PDSS2: variants seen among roughly 807,000 people sequenced by gnomAD.
PDSS2 encodes the protein decaprenyl diphosphate synthase subunit 2.
PDSS2 carries 31 observed loss-of-function variants against 44.5 expected under a neutral mutation model. The observed-to-expected ratio is 0.70, with a 90% CI of 0.52 to 0.94. The LOEUF is 0.94. PDSS2 is among the 40% of genes least tolerant of loss of function. The pLI is 0.00. For synonymous variants in PDSS2, 157 were observed against 180.3 expected, an observed-to-expected ratio of 0.87 and a Z score of 1.03; for missense variants, 452 against 482.2, an observed-to-expected ratio of 0.94 and a Z score of 0.59.
rs551414085 is a variant in PDSS2 at position 107,298,850 on chromosome 6, T to C, written c.432-24623A>G. Among the ~76,000 whole-genome samples the C allele has an allele frequency of 6.6e-5, 10 of 152,092 alleles. No homozygotes were observed. The East Asian group carries it at 1.7e-3, about 27-fold the overall frequency. ...GCAAATGAAGTTAACAAGAAACATA[T>C]ACCAAATAGGACCAGGCATGGTGGC... On this transcript the variant is annotated intron_variant, in intron 2 of 7. Transcript: ENST00000369037.
At chr6:107,266,069 A>G (rs925820745) in intron 3 of PDSS2, among the ~76,000 whole-genome samples, 1 of 152,230 alleles carries the variant, frequency 6.6e-6, no homozygotes, top group Non-Finnish European at 1.5e-5. Context: ...AGCTTCTGGG[A>G]GCTCATTTGA....
chr6:107,248,947 AT>A (rs1774721636), intron 3 of PDSS2, among the ~76,000 whole-genome samples: 1 of 152,066 alleles, frequency 6.6e-6, no homozygotes, highest in African/African-American at 2.4e-5. Context: ...AACACTTTCC[AT>A]TTTTCAAAAC....
intron 1 of PDSS2, among the ~76,000 whole-genome samples, chr6:107,356,215 A>T (rs572350354): frequency 1.3e-5 from 2 of 152,100 alleles, no homozygotes; most frequent in South Asian, 4.2e-4. Flanking sequence ...ATTTACTTTC[A>T]CTCCTTTTGG....
intron 1 of PDSS2, among the ~76,000 whole-genome samples, chr6:107,450,266 G>T (rs1781824260): frequency 6.6e-6 from 1 of 152,156 alleles, no homozygotes; most frequent in South Asian, 2.1e-4. Flanking sequence ...GTTGTTTCCA[G>T]TTGGGAAATA....
At chr6:107,347,548 C>G (rs1386588473) in intron 1 of PDSS2, among the ~76,000 whole-genome samples, 1 of 152,064 alleles carries the variant, frequency 6.6e-6, no homozygotes, top group Non-Finnish European at 1.5e-5. Context: ...CAGGCGTGAG[C>G]CACTGCACCT....
intron 4 of PDSS2, among the ~76,000 whole-genome samples, chr6:107,241,344 C>CTTTTTT (rs58623641): frequency 2.7e-4 from 21 of 77,972 alleles, no homozygotes; most frequent in Middle Eastern, 8.2e-3. Flanking sequence ...TCTTCTTCTT[C>CTTTTTT]TTTTTTTTTT....
At chr6:107,447,811 A>G (rs916125758) in intron 1 of PDSS2, among the ~76,000 whole-genome samples, 3 of 152,168 alleles carry the variant, frequency 2.0e-5, no homozygotes, top group African/African-American at 7.2e-5. Context: ...TCCCTTCCGC[A>G]CTGCCCTAGC....
intron 1 of PDSS2, among the ~76,000 whole-genome samples, chr6:107,404,079 C>T (rs1037499171): frequency 1.3e-5 from 2 of 152,128 alleles, no homozygotes; most frequent in African/African-American, 4.8e-5. Context: ...TTTCTTCCAC[C>T]AGATACCCTA....
chr6:107,458,922 C>CGT lies in PDSS2; in HGVS notation c.296+66_296+67dup, dbSNP rs1782147186. On this transcript the variant is annotated intron_variant, in intron 1 of 7. Transcript: ENST00000369037. ...GAGCCAGTCTGAGAGAGCTAGAATGCGTATGCCCGCCAGAAAAAAAAGTAT... is the reference window on the plus strand; with the variant it reads ...GAGCCAGTCTGAGAGAGCTAGAATGCGTGTATGCCCGCCAGAAAAAAAAGTAT... The CGT allele has an allele frequency of 2.1e-6, 3 of 1,400,314 alleles. No homozygotes were observed. The South Asian group carries it at 3.6e-5, about 17-fold the overall frequency. The allele number at this position is 1,400,314 out of a possible 1,614,324, so 86.7% of individuals were successfully genotyped here. A position where few individuals can be genotyped will look rare whatever the true frequency, so the allele number is the denominator to read the frequency against.
chr6:107,436,559 G>C (rs1018203913), intron 1 of PDSS2, among the ~76,000 whole-genome samples: 1 of 152,098 alleles, frequency 6.6e-6, no homozygotes, highest in Non-Finnish European at 1.5e-5. Context: ...ACATGTAAAA[G>C]TGATAAACTC....
chr6:107,286,517 T>A (rs1222123769), intron 2 of PDSS2, among the ~76,000 whole-genome samples: 1 of 146,464 alleles, frequency 6.8e-6, no homozygotes, highest in African/African-American at 2.5e-5. Context: ...CTCAAAAAAA[T>A]AATAAAATAA....
intron 1 of PDSS2, among the ~76,000 whole-genome samples, chr6:107,447,360 AGCAAGT>A (rs1236764922): frequency 1.3e-5 from 2 of 152,114 alleles, no homozygotes; most frequent in Non-Finnish European, 2.9e-5. Flanking sequence ...AAAAATCAAA[AGCAAGT>A]GCATTACTAC....
intron 7 of PDSS2, chr6:107,192,473 A>G (rs17068042): frequency 0.042 from 17,790 of 423,882 alleles, 464 homozygotes; most frequent in Middle Eastern, 0.063. Flanking sequence ...CAGACTCCAA[A>G]AAAGCCAGAG....
At chr6:107,164,293 A>T (rs1554247182) in intron 7 of PDSS2, among the ~76,000 whole-genome samples, 5 of 152,034 alleles carry the variant, frequency 3.3e-5, no homozygotes, top group African/African-American at 1.2e-4. Context: ...ATTAGGTATA[A>T]TTCCTAATGC....
intron 1 of PDSS2, among the ~76,000 whole-genome samples, chr6:107,407,011 G>A (rs1193156949): frequency 6.6e-6 from 1 of 152,202 alleles, no homozygotes; most frequent in African/African-American, 2.4e-5. Flanking sequence ...CACTGACTGG[G>A]GGTTGGGGAG....
At chr6:107,315,751 A>C (rs778268881) in intron 2 of PDSS2, among the ~76,000 whole-genome samples, 3 of 152,218 alleles carry the variant, frequency 2.0e-5, no homozygotes, top group Non-Finnish European at 4.4e-5. Flanking sequence ...GCCCAGATGA[A>C]GAGGACCTAA....
At chr6:107,359,531 T>C (rs1011852013) in intron 1 of PDSS2, among the ~76,000 whole-genome samples, 1 of 148,216 alleles carries the variant, frequency 6.7e-6, no homozygotes, top group African/African-American at 2.5e-5. Flanking sequence ...GGCTGAGGCA[T>C]GAGAATTGCT....
chr6:107,381,905 A>G (rs936292018), intron 1 of PDSS2, among the ~76,000 whole-genome samples: 4 of 152,250 alleles, frequency 2.6e-5, no homozygotes, highest in African/African-American at 7.2e-5. Context: ...CTAGCTGCAC[A>G]GTTTATACAA....
chr6:107,303,308 G>C (rs1315704492), intron 2 of PDSS2, among the ~76,000 whole-genome samples: 1 of 152,198 alleles, frequency 6.6e-6, no homozygotes, highest in Non-Finnish European at 1.5e-5. Context: ...TGGGGACCAA[G>C]TTTCAGCATG....
Sources: allele counts gnomAD v4.1 joint callset (sites outside exome capture counted in the v4.1 genomes callset), GRCh38; gene constraint gnomAD v4.1.1; transcripts MANE v1.5; gene names NCBI Gene and HGNC (gene_info 2026-07-23, HGNC 2026-07-21).